TAF1D: variants seen among roughly 807,000 people sequenced by gnomAD.
TAF1D encodes TATA box-binding protein-associated factor RNA polymerase I subunit D.
TAF1D carries 23 observed loss-of-function variants against 26.2 expected under a neutral mutation model. The observed-to-expected ratio is 0.88, with a 90% CI of 0.63 to 1.25. The LOEUF (loss-of-function observed/expected upper bound fraction) is 1.25, where lower values mean the gene tolerates loss of function less well. TAF1D is among the 50% of genes most tolerant of loss of function. The probability of loss-of-function intolerance (pLI) is 0.00; values close to 1 mark genes in which losing one functional copy is unlikely to be tolerated. For missense variants in TAF1D, 299 were observed against 322.0 expected (o/e 0.93, Z 0.55); for synonymous variants, 100 against 105.6 (o/e 0.95, Z 0.33).
Position 93,738,459 on chromosome 11 carries a change from T to C in TAF1D, c.109A>G (p.Ile37Val). The change falls in exon 3 of 6, where the codon ATC becomes GTC. Residue 37 changes from isoleucine to valine, a missense_variant. By Grantham distance (29) the Ile-to-Val change is conservative. Coordinates refer to ENST00000448108, the MANE Select transcript of TAF1D (RefSeq NM_024116.4). Reference sequence around the variant, plus strand: ...TTCTCCCCTTTAGGTGAGTAAGGGATACACTGAGTTTTAAATAAGCTGCTA... The same window carrying C: ...TTCTCCCCTTTAGGTGAGTAAGGGACACACTGAGTTTTAAATAAGCTGCTA... ...SDSSLFKTQC[I>V]PYSPKGEKRN... 6.3e-7 allele frequency: 1 copy of C among 1,585,534 alleles called. No homozygotes were observed. Among genetic ancestry groups the C allele is most frequent in the East Asian group, 2.2e-5 (1 of 44,680 alleles).
chr11:93,730,254 C>T (rs1565233465), exon 12 of TAF1D: 2 of 1,549,612 alleles, frequency 1.3e-6, no homozygotes, highest in South Asian at 2.4e-5. Context: ...AACTTCGAGC[C>T]AAAAATACAT....
chr11:93,738,467 G>A lies in TAF1D; in HGVS notation c.101C>T (p.Thr34Ile), dbSNP rs1476860286. ...DNSSDSSLFK[T>I]QCIPYSPKGE... is the part of the protein sequence containing the mutation. ...TTTAGGTGAGTAAGGGATACACTGAGTTTTAAATAAGCTGCTATCAGAAGA... is the reference window on the plus strand; with the variant it reads ...TTTAGGTGAGTAAGGGATACACTGAATTTTAAATAAGCTGCTATCAGAAGA... The change falls in exon 3 of 6, where the codon ACT becomes ATT. Residue 34 changes from threonine to isoleucine, a missense_variant. Transcript: ENST00000448108. 1 of 1,578,546 alleles carries A rather than the reference G, an allele frequency of 6.3e-7. No homozygotes were observed. Among genetic ancestry groups the A allele is most frequent in the Non-Finnish European group, 8.6e-7 (1 of 1,168,194 alleles).
At chr11:93,731,496 G>A (rs996251009), downstream of TAF1D, 3 of 518,548 alleles carry the variant, frequency 5.8e-6, no homozygotes, top group African/African-American at 3.9e-5. Context: ...AATATTTAAT[G>A]TAAATGGATG....
intron 4 of TAF1D, 33 bp from the exon 5 acceptor site, chr11:93,736,784 G>C: frequency 6.3e-7 from 1 of 1,590,304 alleles, no homozygotes. Flanking sequence ...CGAGATGACA[G>C]AATCTTCGAT....
At chr11:93,739,897 CTT>C (rs1253939679) in intron 1 of TAF1D, among the ~76,000 whole-genome samples, 1 of 127,364 alleles carries the variant, frequency 7.9e-6, no homozygotes, top group African/African-American at 2.9e-5. Context: ...AATTCTCAAC[CTT>C]TTTCAATGAA....
At position 93,736,764 on chromosome 11, in the gene TAF1D, A is replaced by G. The variant is rs765629377; in HGVS notation, c.636-13T>C. 3 of 1,603,808 alleles carry G rather than the reference A, an allele frequency of 1.9e-6. No homozygotes were observed. The highest frequency in any genetic ancestry group is 2.2e-5 in the South Asian group (2 of 88,936). On this transcript the variant is annotated splice_polypyrimidine_tract_variant and intron_variant, in intron 4 of 5. Transcript: ENST00000448108. Reference sequence around the variant, plus strand: ...CTCATCCTCTGCTCTGTAATATTAAAATTTATCATCGAGATGACAGAATCT... The same window carrying G: ...CTCATCCTCTGCTCTGTAATATTAAGATTTATCATCGAGATGACAGAATCT...
intron 1 of TAF1D, 72 bp downstream of exon 1, chr11:93,741,250 C>G (rs1353771620): frequency 2.2e-6 from 1 of 449,790 alleles, no homozygotes; most frequent in African/African-American, 2.0e-5. Flanking sequence ...GAAGGGGCCC[C>G]GGGAAACCCC....
In TAF1D at chr11:93,741,341, G is replaced by T; in HGVS notation, c.-47C>A. The T allele has an allele frequency of 2.2e-6, 1 of 456,192 alleles. No individual in the cohort carries two copies. The highest frequency in any genetic ancestry group is 4.4e-6 in the Non-Finnish European group (1 of 226,974). The allele number at this position is 456,192 out of a possible 1,614,324, so 28.3% of individuals were successfully genotyped here. ...ACCTACCTAAAACGGCCTCGCAGTG[G>T]CCCCAACCGCGCACTTGCTGCTTGT... is the stretch of plus-strand genomic sequence containing the variant. On this transcript the variant is annotated 5_prime_UTR_variant, in exon 1 of 6. Coordinates refer to ENST00000448108, the MANE Select transcript of TAF1D (RefSeq NM_024116.4).
At chr11:93,736,775 G>T in intron 4 of TAF1D, 24 bp from the exon 5 acceptor site, 2 of 1,595,620 alleles carry the variant, frequency 1.3e-6, no homozygotes, top group South Asian at 2.3e-5. Flanking sequence ...ATTTATCATC[G>T]AGATGACAGA....
At chr11:93,736,545 A>C in intron 5 of TAF1D, 149 bp downstream of exon 5, 1 of 1,421,932 alleles carries the variant, frequency 7.0e-7, no homozygotes. Context: ...TCTCTAAAAA[A>C]TTATTTTCCT....
chr11:93,737,371 T>A, intron 3 of TAF1D, 132 bp from the exon 4 acceptor site: 1 of 528,268 alleles, frequency 1.9e-6, no homozygotes, highest in Non-Finnish European at 3.3e-6. Context: ...TCCCCACTTG[T>A]GGACTTATCA....
At chr11:93,735,433 A>T (rs1940545452), downstream of TAF1D, 1 of 698,114 alleles carries the variant, frequency 1.4e-6, no homozygotes, top group South Asian at 4.4e-5. Flanking sequence ...CTATAATCCC[A>T]GCATTTTGGG....
At chr11:93,738,724 G>A (rs756425430) in intron 2 of TAF1D, among the ~76,000 whole-genome samples, 4 of 152,100 alleles carry the variant, frequency 2.6e-5, no homozygotes, top group African/African-American at 9.7e-5. Flanking sequence ...TGTAGACATC[G>A]TCTTGCTGTC....
chr11:93,732,322 G>A (rs761601022), downstream of TAF1D: 2 of 515,420 alleles, frequency 3.9e-6, no homozygotes, highest in South Asian at 1.4e-5. Context: ...TACTATTTTA[G>A]AGTATATCAA....
intron 2 of TAF1D, among the ~76,000 whole-genome samples, chr11:93,738,799 G>A (rs898694826): frequency 6.6e-6 from 1 of 152,132 alleles, no homozygotes; most frequent in African/African-American, 2.4e-5. Context: ...GGAAACTCCA[G>A]GGATGCTCCT....
At chr11:93,733,395 T>TAC (rs751219740), downstream of TAF1D, 4 of 518,648 alleles carry the variant, frequency 7.7e-6, no homozygotes, top group Non-Finnish European at 1.5e-5. Flanking sequence ...AGTATGCCAA[T>TAC]ACCTAAGGTA....
chr11:93,733,397 C>A (rs1176277127), downstream of TAF1D: 1 of 518,678 alleles, frequency 1.9e-6, no homozygotes, highest in Non-Finnish European at 3.8e-6. Flanking sequence ...TATGCCAATA[C>A]CTAAGGTAAA....
chr11:93,730,363 A>G lies in TAF1D; in HGVS notation c.*1088T>C. On this transcript the variant is annotated 3_prime_UTR_variant and NMD_transcript_variant, in exon 12 of 12. Coordinates refer to the TAF1D transcript ENST00000323981. ...AATAAATTGTTATTCGAGGAATTCC[A>G]TGTTGTGATTTCTTCCACTGTCCAT... The G allele has an allele frequency of 1.1e-5, 11 of 1,003,700 alleles. No homozygotes were observed. The South Asian group carries it at 1.5e-4, about 13-fold the overall frequency. 62.2% of individuals were successfully genotyped at this position (1,003,700 alleles called of 1,614,324 possible). A position where few individuals can be genotyped will look rare whatever the true frequency, so the allele number is the denominator to read the frequency against.
At chr11:93,734,258 T>G (rs1172433482), downstream of TAF1D, 1 of 160,056 alleles carries the variant, frequency 6.2e-6, no homozygotes, top group African/African-American at 2.4e-5. Context: ...TTCAAATTTA[T>G]GAATTCTTAT....
Sources: gnomAD v4.1 joint callset for allele counts (sites outside exome capture counted in the v4.1 genomes callset) on GRCh38, gnomAD v4.1.1 for gene constraint, MANE v1.5 for transcripts, NCBI Gene and HGNC (gene_info 2026-07-23, HGNC 2026-07-21) for gene names.